Variants in NEK6 observed in about 807,000 individuals in gnomAD.
NEK6 encodes the protein NIMA related kinase 6.
A neutral mutation model predicts 43.5 loss-of-function variants in NEK6; 27 were observed. That is an observed-to-expected ratio of 0.62 (90% CI 0.46 to 0.86). The LOEUF is 0.86. Among genes scored for constraint, NEK6 ranks in the 40% least tolerant of loss-of-function variants. The probability of loss-of-function intolerance (pLI) is 0.00; values close to 1 mark genes in which losing one functional copy is unlikely to be tolerated. For synonymous variants in NEK6, 167 were observed against 164.1 expected, an observed-to-expected ratio of 1.02 and a Z score of -0.14; for missense variants, 318 against 414.4, an observed-to-expected ratio of 0.77 and a Z score of 2.02.
intron 2 of NEK6, among the ~76,000 whole-genome samples, chr9:124,304,229 T>G (rs1588485498): frequency 6.6e-6 from 1 of 152,192 alleles, no homozygotes; most frequent in South Asian, 2.1e-4. Context: ...TTAAACACTG[T>G]CTGGGGAGAC....
chr9:124,299,890 A>G (rs1028975022), intron 1 of NEK6: 1 of 152,142 alleles, frequency 6.6e-6, no homozygotes, highest in African/African-American at 2.4e-5. Flanking sequence ...CAGGCTTGGC[A>G]GGACTTGCAG....
At chr9:124,266,593 A>C (rs868027875) in intron 1 of NEK6, among the ~76,000 whole-genome samples, 31 of 152,318 alleles carry the variant, frequency 2.0e-4, no homozygotes, top group Middle Eastern at 6.8e-3. Flanking sequence ...TTGTCATCGC[A>C]TAGTTGTAAC....
intron 1 of NEK6, among the ~76,000 whole-genome samples, chr9:124,268,848 C>T (rs749852428): frequency 2.8e-4 from 42 of 152,180 alleles, no homozygotes; most frequent in Non-Finnish European, 5.6e-4. Context: ...CACAGAACTG[C>T]AGCACATCAG....
At chr9:124,350,528 AC>A (rs1830208919) in intron 9 of NEK6, among the ~76,000 whole-genome samples, 1 of 134,242 alleles carries the variant, frequency 7.4e-6, no homozygotes, top group Admixed American at 7.4e-5. Context: ...ACACACACAC[AC>A]ACAATTTGCC....
intron 1 of NEK6, among the ~76,000 whole-genome samples, chr9:124,280,626 C>T (rs1247676476): frequency 2.0e-5 from 3 of 152,196 alleles, no homozygotes; most frequent in Admixed American, 1.3e-4. Flanking sequence ...GTCATCAGGC[C>T]TCCAGGGCCA....
intron 1 of NEK6, among the ~76,000 whole-genome samples, chr9:124,276,322 C>T (rs1831649081): frequency 6.6e-6 from 1 of 152,040 alleles, no homozygotes; most frequent in South Asian, 2.1e-4. Context: ...GGGCTGGGGC[C>T]CTGGTCTTAG....
chr9:124,294,442 A>C (rs1321289145), intron 1 of NEK6, among the ~76,000 whole-genome samples: 1 of 151,916 alleles, frequency 6.6e-6, no homozygotes, highest in Non-Finnish European at 1.5e-5. Flanking sequence ...CAGTCAGCAG[A>C]GATCGCGCCA....
At chr9:124,269,264 C>T (rs1831334040) in intron 1 of NEK6, among the ~76,000 whole-genome samples, 1 of 152,098 alleles carries the variant, frequency 6.6e-6, no homozygotes, top group South Asian at 2.1e-4. Context: ...CAGGCTGACC[C>T]CATTCTGCAT....
chr9:124,296,116 G>A (rs1832678973), intron 1 of NEK6, among the ~76,000 whole-genome samples: 1 of 152,260 alleles, frequency 6.6e-6, no homozygotes, highest in African/African-American at 2.4e-5. Flanking sequence ...AGCCTCTGCA[G>A]GCTGGCTGAA....
intron 3 of NEK6, 64 bp downstream of exon 3, chr9:124,312,713 G>A (rs1358060345): frequency 5.8e-6 from 9 of 1,543,286 alleles, no homozygotes; most frequent in South Asian, 4.8e-5. Context: ...TCTGGACGGG[G>A]TGCCCGGGCC....
intron 1 of NEK6, among the ~76,000 whole-genome samples, chr9:124,299,714 C>T (rs947675178): frequency 1.3e-5 from 2 of 152,094 alleles, no homozygotes; most frequent in South Asian, 2.1e-4. Flanking sequence ...TAATGCCCCT[C>T]CGTGTGACAC....
At chr9:124,265,338 A>G (rs754823418) in intron 1 of NEK6, among the ~76,000 whole-genome samples, 19 of 152,202 alleles carry the variant, frequency 1.2e-4, no homozygotes, top group Non-Finnish European at 2.5e-4. Context: ...CCTGACCAAT[A>G]TGGTGAAACC....
At chr9:124,338,101 C>G (rs914090640) in intron 7 of NEK6, among the ~76,000 whole-genome samples, 3 of 152,202 alleles carry the variant, frequency 2.0e-5, no homozygotes, top group African/African-American at 7.2e-5. Context: ...CTGCCTCAGC[C>G]TCCTGAGTAG....
chr9:124,260,662 A>G, intron 1 of NEK6, among the ~76,000 whole-genome samples: 1 of 152,188 alleles, frequency 6.6e-6, no homozygotes, highest in Non-Finnish European at 1.5e-5. Flanking sequence ...TGGCCTCCCA[A>G]AGTGCTGGAA....
chr9:124,326,202 T>TCCCTCCCCCCCCCCCC lies in NEK6; in HGVS notation c.406-125_406-124insTCCCCCCCCCCCCCCC. On this transcript the variant is annotated intron_variant, in intron 5 of 9. Transcript: ENST00000320246. This position sits in a 1 kb window ranked among gnomAD's most constrained non-coding sequence, Gnocchi z 4.5. ...GCTTATTGTTTGCTCAGTGGCTCAA[T>TCCCTCCCCCCCCCCCC]CCCCCCCCCCCGCCCCTGCCAGGCA... 8.1e-6 allele frequency: 1 copy of TCCCTCCCCCCCCCCCC among 124,052 alleles called. No individual in the cohort carries two copies. The highest frequency in any genetic ancestry group is 2.0e-5 in the Non-Finnish European group (1 of 50,618). 7.7% of individuals were successfully genotyped at this position (124,052 alleles called of 1,614,324 possible).
chr9:124,326,208 C>T lies in NEK6; in HGVS notation c.406-122C>T. On this transcript the variant is annotated intron_variant, in intron 5 of 9. Transcript: ENST00000320246. The surrounding 1 kb of genome is among the most constrained non-coding windows in gnomAD (Gnocchi z 4.5). ...TGTTTGCTCAGTGGCTCAATCCCCC[C>T]CCCCCGCCCCTGCCAGGCACCAGTT... 5 of 186,842 alleles carry T rather than the reference C, an allele frequency of 2.7e-5. 1 individual carries two copies. Among genetic ancestry groups the T allele is most frequent in the South Asian group, 2.4e-4 (5 of 21,078 alleles). The allele number at this position is 186,842 out of a possible 1,614,324, so 11.6% of individuals were successfully genotyped here. A position where few individuals can be genotyped will look rare whatever the true frequency, so the allele number is the denominator to read the frequency against.
intron 7 of NEK6, among the ~76,000 whole-genome samples, chr9:124,330,953 A>C (rs1828951464): frequency 6.6e-6 from 1 of 152,182 alleles, no homozygotes; most frequent in Non-Finnish European, 1.5e-5. Flanking sequence ...GAGAAAAAAG[A>C]GTTCAAAAAA....
At chr9:124,301,300 C>G (rs1832959814) in intron 1 of NEK6, among the ~76,000 whole-genome samples, 1 of 152,174 alleles carries the variant, frequency 6.6e-6, no homozygotes, top group African/African-American at 2.4e-5. Flanking sequence ...TACCTATGAC[C>G]AGCATCTCTG....
intron 1 of NEK6, among the ~76,000 whole-genome samples, chr9:124,288,889 T>G (rs1832275850): frequency 1.3e-5 from 2 of 152,190 alleles, no homozygotes; most frequent in South Asian, 4.1e-4. Flanking sequence ...ACTGCCTCCC[T>G]GCAGCCCCCT....
Sources: allele counts gnomAD v4.1 joint callset (sites outside exome capture counted in the v4.1 genomes callset), GRCh38; gene constraint gnomAD v4.1.1; non-coding constraint Gnocchi (gnomAD v3.1); transcripts MANE v1.5; gene names NCBI Gene and HGNC (gene_info 2026-07-23, HGNC 2026-07-21).